Variants in FAM114A1 observed in about 807,000 individuals in gnomAD.
FAM114A1 encodes the protein family with sequence similarity 114 member A1, also known as protein NOXP20.
A neutral mutation model predicts 64.3 loss-of-function variants in FAM114A1; 62 were observed. The observed-to-expected ratio is 0.96, with a 90% confidence interval of 0.79 to 1.19. The LOEUF (loss-of-function observed/expected upper bound fraction) is 1.19, where lower values mean the gene tolerates loss of function less well. Ranked by LOEUF, FAM114A1 falls within the 50% of genes most tolerant of loss-of-function variation. The pLI is 0.00. For synonymous variants in FAM114A1, 254 were observed against 251.1 expected, an observed-to-expected ratio of 1.01 and a Z score of -0.11; for missense variants, 645 against 676.3, an observed-to-expected ratio of 0.95 and a Z score of 0.51.
At chr4:38,913,611 A>C (rs1172764515) in intron 7 of FAM114A1, among the ~76,000 whole-genome samples, 1 of 150,782 alleles carries the variant, frequency 6.6e-6, no homozygotes, top group Non-Finnish European at 1.5e-5. Flanking sequence ...GCTGGTCTCG[A>C]ACTCCTGACC....
rs1721772637 is a variant in FAM114A1 at position 38,943,943 on chromosome 4, T to G, written c.*386T>G. 2 of 164,958 alleles carry G rather than the reference T, an allele frequency of 1.2e-5. No individual in the cohort carries two copies. The highest frequency in any genetic ancestry group is 1.2e-4 in the Admixed American group (2 of 16,988). The allele number at this position is 164,958 out of a possible 1,614,324, so 10.2% of individuals were successfully genotyped here. On this transcript the variant is annotated 3_prime_UTR_variant, in exon 15 of 15. Coordinates refer to ENST00000358869, the MANE Select transcript of FAM114A1 (RefSeq NM_138389.4). Reference sequence around the variant, plus strand: ...GTTTCAACCTTTAAATGTTCCATTCTTATAGTATTACTTTAAATCAATTCT... The same window carrying G: ...GTTTCAACCTTTAAATGTTCCATTCGTATAGTATTACTTTAAATCAATTCT...
chr4:38,884,835 T>C (rs1286708091), intron 3 of FAM114A1, among the ~76,000 whole-genome samples: 1 of 152,178 alleles, frequency 6.6e-6, no homozygotes, highest in Non-Finnish European at 1.5e-5. Context: ...GTCACCAGAA[T>C]TCCCCAGAGT....
At chr4:38,929,167 G>A in intron 9 of FAM114A1, 75 bp from the exon 10 acceptor site, 2 of 1,172,766 alleles carry the variant, frequency 1.7e-6, no homozygotes, top group Non-Finnish European at 1.3e-6. Context: ...GCTGCAGGCT[G>A]TAATGTTGGG....
intron 4 of FAM114A1, among the ~76,000 whole-genome samples, chr4:38,900,551 A>G (rs1004004115): frequency 6.6e-6 from 1 of 152,248 alleles, no homozygotes; most frequent in Non-Finnish European, 1.5e-5. Flanking sequence ...ATACAAGGGA[A>G]TATTATTCAG....
chr4:38,935,945 C>T (rs1420920411), intron 13 of FAM114A1, among the ~76,000 whole-genome samples, 155 bp downstream of exon 13: 1 of 152,178 alleles, frequency 6.6e-6, no homozygotes, highest in Non-Finnish European at 1.5e-5. Flanking sequence ...TCTCTAAGGA[C>T]AGGCAGCTTA....
intron 13 of FAM114A1, among the ~76,000 whole-genome samples, chr4:38,940,496 A>G (rs1464850173): frequency 2.6e-5 from 4 of 152,356 alleles, no homozygotes; most frequent in Admixed American, 2.0e-4. Flanking sequence ...TCAGGAATCT[A>G]GATAGATATT....
chr4:38,940,353 C>T lies in FAM114A1; in HGVS notation c.1537-615C>T, dbSNP rs1386643627. ...TAGAAGATGCCCTATAACCAAGTTT[C>T]TATGTTTGCATTTAAAAGAAGAAAG... On this transcript the variant is annotated intron_variant, in intron 13 of 14. Coordinates refer to ENST00000358869, the MANE Select transcript of FAM114A1 (RefSeq NM_138389.4). 2.0e-5 allele frequency among the ~76,000 whole-genome samples: 3 copies of T among 148,232 alleles called. No individual in the cohort carries two copies. The East Asian group carries it at 5.9e-4, about 29-fold the overall frequency.
At chr4:38,905,937 C>G in intron 6 of FAM114A1, 76 bp downstream of exon 6, 1 of 1,285,100 alleles carries the variant, frequency 7.8e-7, no homozygotes, top group Non-Finnish European at 1.1e-6. Flanking sequence ...TTACCAGTGA[C>G]CTAGATACAT....
intron 3 of FAM114A1, among the ~76,000 whole-genome samples, chr4:38,879,740 T>A (rs1008400071): frequency 1.3e-5 from 2 of 152,122 alleles, no homozygotes; most frequent in African/African-American, 4.8e-5. Flanking sequence ...AAATTTTGTT[T>A]ATGAGTTTCA....
At chr4:38,930,079 C>T (rs780406315) in intron 10 of FAM114A1, among the ~76,000 whole-genome samples, 9 of 152,108 alleles carry the variant, frequency 5.9e-5, no homozygotes, top group Non-Finnish European at 7.3e-5. Flanking sequence ...GAGAGAGGCA[C>T]GTCAGCCAGG....
chr4:38,914,864 C>T (rs982178648), intron 7 of FAM114A1, 57 bp from the exon 8 acceptor site: 79 of 1,574,182 alleles, frequency 5.0e-5, no homozygotes, highest in Non-Finnish European at 6.0e-5. Context: ...ATGTCTTACA[C>T]AGGAAACGGT....
intron 13 of FAM114A1, among the ~76,000 whole-genome samples, chr4:38,939,774 A>G (rs1721437795): frequency 6.6e-6 from 1 of 152,086 alleles, no homozygotes; most frequent in South Asian, 2.1e-4. Context: ...CAATCCCTTT[A>G]ATGGTTTATG....
At chr4:38,899,008 TAA>T (rs55795502) in intron 4 of FAM114A1, among the ~76,000 whole-genome samples, 2 of 144,272 alleles carry the variant, frequency 1.4e-5, no homozygotes, top group East Asian at 2.0e-4. Flanking sequence ...ATATGTAGTA[TAA>T]GTTTCATATA....
In FAM114A1 at chr4:38,905,589, A is replaced by G. The variant is rs1717917471; in HGVS notation, c.504A>G (p.Gly168=). The G allele has an allele frequency of 6.2e-7, 1 of 1,614,086 alleles. No homozygotes were observed. Among genetic ancestry groups the G allele is most frequent in the Admixed American group, 1.7e-5 (1 of 59,992 alleles). Residue 168 remains glycine, a synonymous_variant, in exon 5 of 15, where the codon GGA becomes GGG. Coordinates refer to ENST00000358869, the MANE Select transcript of FAM114A1 (RefSeq NM_138389.4). The stretch of plus-strand genomic sequence containing the variant: ...TACGGATTCATGGTGTAAATTCTGG[A>G]TCTTCTGAAGGAGCCCAACCAAATA... The part of the protein sequence containing the change: ...ATLRIHGVNS[G]SSEGAQPNTE...
intron 3 of FAM114A1, among the ~76,000 whole-genome samples, chr4:38,886,337 A>C (rs1407847543): frequency 6.6e-6 from 1 of 151,616 alleles, no homozygotes; most frequent in Non-Finnish European, 1.5e-5. Flanking sequence ...CACCCGGCTA[A>C]TTTTTGTATT....
At chr4:38,922,339 G>C (rs1049599119) in intron 8 of FAM114A1, among the ~76,000 whole-genome samples, 3 of 152,198 alleles carry the variant, frequency 2.0e-5, no homozygotes, top group African/African-American at 7.2e-5. Flanking sequence ...GGTGCAATTA[G>C]TTTCCATTTT....
chr4:38,937,437 A>T (rs1053027383), intron 13 of FAM114A1, among the ~76,000 whole-genome samples: 1 of 151,990 alleles, frequency 6.6e-6, no homozygotes, highest in African/African-American at 2.4e-5. Context: ...CCCTCCATGC[A>T]TGTCTGTGTC....
chr4:38,879,306 G>A (rs553957246), intron 3 of FAM114A1, among the ~76,000 whole-genome samples: 13 of 152,318 alleles, frequency 8.5e-5, no homozygotes, highest in African/African-American at 3.1e-4. Flanking sequence ...TGCCACCACA[G>A]ATCACCCCCT....
intron 4 of FAM114A1, among the ~76,000 whole-genome samples, chr4:38,904,197 G>A (rs1717777613): frequency 6.6e-6 from 1 of 152,154 alleles, no homozygotes; most frequent in Non-Finnish European, 1.5e-5. Flanking sequence ...GTGAGTGCTC[G>A]GGGGATGGGG....
Sources: gnomAD v4.1 joint callset for allele counts (sites outside exome capture counted in the v4.1 genomes callset) on GRCh38, gnomAD v4.1.1 for gene constraint, MANE v1.5 for transcripts, NCBI Gene and HGNC (gene_info 2026-07-23, HGNC 2026-07-21) for gene names.